The following COL6A3 variants were observed in gnomAD, a reference collection of about 807,000 sequenced individuals.
COL6A3 encodes the protein collagen alpha-3(VI) chain.
A neutral mutation model predicts 274.1 loss-of-function variants in COL6A3; 137 were observed. The ratio of observed to expected loss-of-function variants is 0.50; its 90% CI spans 0.44 to 0.58. The LOEUF (loss-of-function observed/expected upper bound fraction) is 0.58. Among genes scored for constraint, COL6A3 ranks in the 20% least tolerant of loss-of-function variants. The pLI is 0.00. For synonymous variants in COL6A3, 1,650 were observed against 1,650.6 expected (o/e 1.00, Z 0.01); for missense variants, 3,950 against 4,124.9 (o/e 0.96, Z 1.16).
chr2:237,351,475 T>C (rs2077205091), intron 26 of COL6A3, among the ~76,000 whole-genome samples: 1 of 152,218 alleles, frequency 6.6e-6, no homozygotes, highest in Admixed American at 6.5e-5. Flanking sequence ...ATATCCTAGG[T>C]TCCTGACAGG....
Position 237,350,166 on chromosome 2 carries a change from C to T in COL6A3, c.6860G>A (p.Arg2287Gln), listed in dbSNP as rs777794580. ...CCTTACCGTCTCCCCACGAGGGCCC[C>T]GGTTCCCGATTCCTCCTTTTGGTCC... ...EPGPKGGIGN[R>Q]GPRGETGDDG... is the part of the protein sequence containing the mutation. The change falls in exon 28 of 44, where the codon CGG becomes CAG. Residue 2287 changes from arginine (R) to glutamine (Q), a missense_variant. Transcript: ENST00000295550. The T allele has an allele frequency of 1.5e-5, 24 of 1,614,008 alleles. No individual in the cohort carries two copies. Among genetic ancestry groups the T allele is most frequent in the Admixed American group, 5.0e-5 (3 of 60,010 alleles).
At chr2:237,389,955 G>C (rs963506161) in intron 3 of COL6A3, among the ~76,000 whole-genome samples, 1 of 152,196 alleles carries the variant, frequency 6.6e-6, no homozygotes, top group Non-Finnish European at 1.5e-5. Flanking sequence ...ATCTTCAAGA[G>C]AGTGTGGTGC....
rs114643468 is a variant in COL6A3, at chr2:237,340,576, G to A, written c.8340C>T (p.Ile2780=). 2 of 1,614,192 alleles carry A rather than the reference G, an allele frequency of 1.2e-6. No individual in the cohort carries two copies. The highest frequency in any genetic ancestry group is 1.7e-6 in the Non-Finnish European group (2 of 1,180,032). ...CACTGGCGAAGGTGTATACCTCCTT[G>A]ATGTTCACCTTCCTGCCAATGCCCA... ...VVLGIGRKVN[I]KEVYTFASEP... The change falls in exon 38 of 44, where the codon ATC becomes ATT. Residue 2780 remains isoleucine (I), a synonymous_variant. Transcript: ENST00000295550.
chr2:237,357,411 C>G lies in COL6A3; in HGVS notation c.6538-20G>C, dbSNP rs766228285. 1 of 1,603,086 alleles carries G rather than the reference C, an allele frequency of 6.2e-7. No individual in the cohort carries two copies. The highest frequency in any genetic ancestry group is 1.7e-5 in the Admixed American group (1 of 59,988). On this transcript the variant is annotated intron_variant, in intron 22 of 43. Transcript: ENST00000295550. ...GACACCCTGGTGTGGGGAAAATTAG[C>G]ATGAGATTCTCATCTGCAGAGAAGA...
In COL6A3 at chr2:237,325,542, C is replaced by A. The variant is rs377269969; in HGVS notation, c.9493+18G>T. The A allele has an allele frequency of 6.2e-7, 1 of 1,613,942 alleles. No homozygotes were observed. The highest frequency in any genetic ancestry group is 1.3e-5 in the African/African-American group (1 of 74,912). ...CTCTTATTTGCAGAAGCCATAAACA[C>A]AAGGAAGAATCACTTACCAGGAGCG... On this transcript the variant is annotated intron_variant, in intron 43 of 43. Transcript: ENST00000295550.
chr2:237,327,857 A>G (rs577845564), intron 42 of COL6A3: 2 of 152,174 alleles, frequency 1.3e-5, no homozygotes, highest in African/African-American at 2.4e-5. Flanking sequence ...AAAAGTATTT[A>G]AATGTCCTGG....
chr2:237,397,102 A>AAAGGAAGGAAGGAGGGAGGGAGGG (rs2078464470), intron 1 of COL6A3, among the ~76,000 whole-genome samples: 2 of 151,094 alleles, frequency 1.3e-5, no homozygotes, highest in African/African-American at 2.4e-5. Flanking sequence ...TGCATATATA[A>AAAGGAAGGAAGGAGGGAGGGAGGG]AAGGAAGGAA....
chr2:237,340,219 A>G (rs747856919), intron 38 of COL6A3, among the ~76,000 whole-genome samples: 8 of 152,224 alleles, frequency 5.3e-5, no homozygotes, highest in African/African-American at 1.2e-4. Context: ...CGCTTGGTCA[A>G]ATGTGGTGGA....
chr2:237,399,033 G>A (rs904865409), intron 1 of COL6A3, among the ~76,000 whole-genome samples: 1 of 152,202 alleles, frequency 6.6e-6, no homozygotes, highest in Non-Finnish European at 1.5e-5. Flanking sequence ...TGGGGGTGCA[G>A]AGAATAAGTG....
At chr2:237,391,942 C>G (rs187597749) in intron 3 of COL6A3, among the ~76,000 whole-genome samples, 4 of 152,286 alleles carry the variant, frequency 2.6e-5, no homozygotes, top group Admixed American at 2.6e-4. Context: ...CTTGTCATTT[C>G]CTGGTAACCT....
intron 14 of COL6A3, among the ~76,000 whole-genome samples, chr2:237,362,223 G>A (rs2077453275): frequency 6.6e-6 from 1 of 152,214 alleles, no homozygotes; most frequent in Admixed American, 6.5e-5. Context: ...GACTGAAGGT[G>A]GTTCCAGAAC....
At chr2:237,357,033 A>C in intron 23 of COL6A3, 10 of 472,562 alleles carry the variant, frequency 2.1e-5, no homozygotes, top group East Asian at 7.6e-5. Flanking sequence ...TAGGATTTCC[A>C]TTTGGGTCTC....
Position 237,364,993 on chromosome 2 carries a change from T to C in COL6A3, c.5839-565A>G, listed in dbSNP as rs1316048217. On this transcript the variant is annotated intron_variant, in intron 12 of 43. Coordinates refer to ENST00000295550, the MANE Select transcript of COL6A3 (RefSeq NM_004369.4). The surrounding 1 kb of genome is among the most constrained non-coding windows in gnomAD (Gnocchi z 4.6). ...GTCCCCTCAAAATTTGTATGTTAAG[T>C]CCTAAACCCCAGTACCGTAAGAATG... is the stretch of plus-strand genomic sequence containing the variant. 6.6e-6 allele frequency among the ~76,000 whole-genome samples: 1 copy of C among 151,572 alleles called. No individual in the cohort carries two copies. Among genetic ancestry groups the C allele is most frequent in the Non-Finnish European group, 1.5e-5 (1 of 67,948 alleles).
chr2:237,410,853 C>T (rs984720193), intron 1 of COL6A3, among the ~76,000 whole-genome samples: 2 of 152,128 alleles, frequency 1.3e-5, no homozygotes, highest in South Asian at 4.1e-4. Flanking sequence ...TGAAGTTTTA[C>T]AGTGGAAACA....
chr2:237,397,234 A>C (rs936722267), intron 1 of COL6A3, among the ~76,000 whole-genome samples: 2 of 144,296 alleles, frequency 1.4e-5, no homozygotes, highest in Non-Finnish European at 3.0e-5. Context: ...GGAAGGAAGA[A>C]GTGAAGGAAG....
At chr2:237,348,433 A>G (rs775963793) in intron 29 of COL6A3, 49 bp from the exon 30 acceptor site, 2 of 1,502,208 alleles carry the variant, frequency 1.3e-6, no homozygotes, top group Non-Finnish European at 1.9e-6. Flanking sequence ...ATTTAAATTC[A>G]TCTAAAATAA....
chr2:237,335,605 T>G (rs2106313462), intron 40 of COL6A3, among the ~76,000 whole-genome samples: 1 of 152,288 alleles, frequency 6.6e-6, no homozygotes, highest in South Asian at 2.1e-4. Flanking sequence ...CACCCAGTAT[T>G]GCCACAGCAC....
chr2:237,346,382 C>G, intron 32 of COL6A3, 121 bp downstream of exon 32: 1 of 835,346 alleles, frequency 1.2e-6, no homozygotes, highest in Non-Finnish European at 2.1e-6. Flanking sequence ...GGTTTGACAA[C>G]CAAGCAAATA....
At chr2:237,345,354 C>A in intron 32 of COL6A3, 141 bp from the exon 33 acceptor site, 1 of 772,524 alleles carries the variant, frequency 1.3e-6, no homozygotes, top group Non-Finnish European at 2.3e-6. Context: ...CCCTCTAAAC[C>A]TGATCTTATC....
Sources: gnomAD v4.1 joint callset for allele counts (sites outside exome capture counted in the v4.1 genomes callset) on GRCh38, gnomAD v4.1.1 for gene constraint, Gnocchi (gnomAD v3.1) non-coding constraint, MANE v1.5 for transcripts, NCBI Gene and HGNC (gene_info 2026-07-23, HGNC 2026-07-21) for gene names.